Variants in RSPH1 observed in about 807,000 individuals in gnomAD.
The protein encoded by RSPH1 is radial spoke head 1 homolog.
Under a neutral mutation model 44.2 loss-of-function variants are expected in RSPH1, and 32 were observed. The ratio of observed to expected loss-of-function variants is 0.72; its 90% confidence interval spans 0.55 to 0.97. The LOEUF (loss-of-function observed/expected upper bound fraction) is 0.97, where lower values mean the gene tolerates loss of function less well. RSPH1 is among the 50% of genes least tolerant of loss of function. RSPH1 has a pLI of 0.00. For synonymous variants in RSPH1, 134 were observed against 147.3 expected, an observed-to-expected ratio of 0.91 and a Z score of 0.65; for missense variants, 391 against 398.7, an observed-to-expected ratio of 0.98 and a Z score of 0.16.
At chr21:42,477,933 G>A (rs2054085999) in intron 6 of RSPH1, among the ~76,000 whole-genome samples, 1 of 152,040 alleles carries the variant, frequency 6.6e-6, no homozygotes, top group South Asian at 2.1e-4. Flanking sequence ...AAAAGAAACA[G>A]CCATTTGTTT....
At chr21:42,492,166 C>A (rs551964382) in intron 3 of RSPH1, among the ~76,000 whole-genome samples, 1 of 152,332 alleles carries the variant, frequency 6.6e-6, no homozygotes, top group Admixed American at 6.5e-5. Flanking sequence ...TTTGGGATAT[C>A]ACTAATGTGG....
chr21:42,495,990 C>A, intron 1 of RSPH1, 143 bp downstream of exon 1: 2 of 818,744 alleles, frequency 2.4e-6, no homozygotes, highest in Middle Eastern at 2.3e-4. Context: ...GTGTGTCTGG[C>A]GTGGCCTTCG....
At position 42,476,873 on chromosome 21, in the gene RSPH1, C is replaced by G. The variant is rs991291677; in HGVS notation, c.727+418G>C. On this transcript the variant is annotated intron_variant, in intron 7 of 8. Coordinates refer to ENST00000291536, the MANE Select transcript of RSPH1 (RefSeq NM_080860.4). Reference sequence around the variant, plus strand: ...TAACATCCCGCACACTCAACTGACCCAGCATCTGATTTTCAGAGAGTCCAA... The same window carrying G: ...TAACATCCCGCACACTCAACTGACCGAGCATCTGATTTTCAGAGAGTCCAA... Among the ~76,000 whole-genome samples the G allele has an allele frequency of 3.9e-5, 6 of 152,174 alleles. No homozygotes were observed. In the South Asian group the frequency reaches 1.0e-3, roughly 26 times the overall value.
intron 8 of RSPH1, 38 bp from the exon 9 acceptor site, chr21:42,472,908 T>C (rs777109862): frequency 1.0e-5 from 15 of 1,450,778 alleles, no homozygotes; most frequent in Admixed American, 3.6e-5. Context: ...ATCTCATATT[T>C]ACTTTGTTCT....
chr21:42,483,842 T>C (rs1163545117), intron 5 of RSPH1, among the ~76,000 whole-genome samples: 2 of 152,200 alleles, frequency 1.3e-5, no homozygotes, highest in East Asian at 3.8e-4. Context: ...GGCAAAACTA[T>C]TATTTTCCTC....
intron 1 of RSPH1, 85 bp from the exon 2 acceptor site, chr21:42,493,164 T>C (rs1477355542): frequency 1.8e-6 from 2 of 1,113,568 alleles, no homozygotes; most frequent in Non-Finnish European, 2.7e-6. Context: ...ATCATACCCT[T>C]GAGTCATCCC....
At chr21:42,473,446 C>A (rs572946789) in intron 8 of RSPH1, among the ~76,000 whole-genome samples, 1 of 146,964 alleles carries the variant, frequency 6.8e-6, no homozygotes, top group Non-Finnish European at 1.5e-5. Flanking sequence ...GCCGAGGTCA[C>A]GCCATTGCAC....
chr21:42,478,099 A>C (rs2054088465), intron 6 of RSPH1, among the ~76,000 whole-genome samples: 2 of 152,348 alleles, frequency 1.3e-5, no homozygotes, highest in South Asian at 4.1e-4. Context: ...TGTAATAAAA[A>C]ATGTACAATT....
At chr21:42,482,067 T>A (rs1464325921) in intron 6 of RSPH1, among the ~76,000 whole-genome samples, 1 of 152,110 alleles carries the variant, frequency 6.6e-6, no homozygotes, top group Non-Finnish European at 1.5e-5. Flanking sequence ...TCAGGATTAG[T>A]TTTTTATTTA....
intron 6 of RSPH1, 96 bp from the exon 7 acceptor site, chr21:42,477,540 G>T (rs2054081152): frequency 1.5e-6 from 2 of 1,350,852 alleles, no homozygotes; most frequent in Non-Finnish European, 2.1e-6. Flanking sequence ...TTGAAAGACA[G>T]GTTTTGGCTT....
intron 5 of RSPH1, among the ~76,000 whole-genome samples, chr21:42,483,124 T>C (rs2054146069): frequency 6.6e-6 from 1 of 152,204 alleles, no homozygotes; most frequent in South Asian, 2.1e-4. Flanking sequence ...CATGAACTAC[T>C]TCCCGTATTT....
rs1281549103 is a variant in RSPH1, at chr21:42,474,392, A to G, written c.877+1506T>C. Among the ~76,000 whole-genome samples the G allele has an allele frequency of 6.6e-6, 1 of 151,508 alleles. No individual in the cohort carries two copies. The highest frequency in any genetic ancestry group is 1.5e-5 in the Non-Finnish European group (1 of 68,016). Reference sequence around the variant, plus strand: ...GTGAGTCATCACCTCTCCTGGGTACATGGTAACACGTCCCTGTCACTGCAG... The same window carrying G: ...GTGAGTCATCACCTCTCCTGGGTACGTGGTAACACGTCCCTGTCACTGCAG... On this transcript the variant is annotated intron_variant, in intron 8 of 8. Transcript: ENST00000291536. This position sits in a 1 kb window ranked among gnomAD's most constrained non-coding sequence, Gnocchi z 5.2.
chr21:42,496,038 T>G, intron 1 of RSPH1, 95 bp downstream of exon 1: 2 of 1,421,172 alleles, frequency 1.4e-6, no homozygotes, highest in Non-Finnish European at 2.0e-6. Flanking sequence ...GGCTCAGACC[T>G]CTGGTTTCTG....
At chr21:42,475,377 TC>T (rs2054035025) in intron 8 of RSPH1, among the ~76,000 whole-genome samples, 1 of 151,708 alleles carries the variant, frequency 6.6e-6, no homozygotes, top group Admixed American at 6.6e-5. Context: ...GACCAGTCTG[TC>T]CAACACGGTG....
At chr21:42,492,434 C>T (rs1412078295) in intron 3 of RSPH1, among the ~76,000 whole-genome samples, 1 of 152,240 alleles carries the variant, frequency 6.6e-6, no homozygotes, top group East Asian at 1.9e-4. Context: ...AAGATGAATG[C>T]CGCAGAGCAG....
Position 42,477,353 on chromosome 21 carries a change from G to A in RSPH1, c.665C>T (p.Pro222Leu). Residue 222 changes from proline to leucine, a missense_variant, in exon 7 of 9, where the codon CCA becomes CTA. Pro to Leu is a moderately conservative substitution (Grantham distance 98, BLOSUM62 -3). Transcript: ENST00000291536. ...TQITELALWT[P>L]TLPKKPTSTD... Reference sequence around the variant, plus strand: ...AGAGGTCGGCTTTTTGGGGAGAGTTGGTGTCCACAGGGCCAATTCAGTGAT... The same window carrying A: ...AGAGGTCGGCTTTTTGGGGAGAGTTAGTGTCCACAGGGCCAATTCAGTGAT... 4.3e-6 allele frequency: 7 copies of A among 1,614,140 alleles called. No homozygotes were observed. The highest frequency in any genetic ancestry group is 5.9e-6 in the Non-Finnish European group (7 of 1,180,016).
chr21:42,492,249 A>G (rs1442906396), intron 3 of RSPH1, among the ~76,000 whole-genome samples: 1 of 152,236 alleles, frequency 6.6e-6, no homozygotes, highest in Non-Finnish European at 1.5e-5. Flanking sequence ...ATCCTCCTCA[A>G]ACATAACATT....
chr21:42,485,964 C>T (rs2054176990), intron 4 of RSPH1, 160 bp from the exon 5 acceptor site: 1 of 865,900 alleles, frequency 1.2e-6, no homozygotes. Flanking sequence ...GCCCCTTGCT[C>T]AGTGTGCCCC....
chr21:42,476,084 G>A (rs762185466), intron 7 of RSPH1, 37 bp from the exon 8 acceptor site: 43 of 1,611,448 alleles, frequency 2.7e-5, no homozygotes, highest in Non-Finnish European at 3.3e-5. Context: ...TGAGTTCCTG[G>A]GAAAAATGGA....
Sources: allele counts gnomAD v4.1 joint callset (sites outside exome capture counted in the v4.1 genomes callset), GRCh38; gene constraint gnomAD v4.1.1; non-coding constraint Gnocchi (gnomAD v3.1); transcripts MANE v1.5; gene names NCBI Gene and HGNC (gene_info 2026-07-23, HGNC 2026-07-21).